MACF1: variants seen among roughly 807,000 people sequenced by gnomAD.
The protein encoded by MACF1 is microtubule-actin cross-linking factor 1.
A neutral mutation model predicts 854.8 loss-of-function variants in MACF1; 193 were observed. That is an observed-to-expected ratio of 0.23 (90% CI 0.20 to 0.25). The LOEUF (loss-of-function observed/expected upper bound fraction) is 0.25. Ranked by LOEUF, MACF1 falls within the 10% of genes least tolerant of loss-of-function variation. The pLI, the probability that MACF1 is intolerant of heterozygous loss-of-function variation, is 1.00. For synonymous variants in MACF1, 3,185 were observed against 3,226.7 expected (o/e 0.99, Z 0.44); for missense variants, 7,722 against 8,929.1 (o/e 0.86, Z 5.45).
chr1:39,145,725 C>T (rs1643448495), intron 2 of MACF1, among the ~76,000 whole-genome samples: 1 of 152,182 alleles, frequency 6.6e-6, no homozygotes, highest in Non-Finnish European at 1.5e-5. Context: ...GACCTCTTTC[C>T]TTCCCTGACT....
chr1:39,232,765 T>TTTTTTTTG (rs1571202426), intron 2 of MACF1, among the ~76,000 whole-genome samples: 2 of 138,174 alleles, frequency 1.4e-5, no homozygotes, highest in Non-Finnish European at 1.6e-5. Flanking sequence ...TTTTTTTTTT[T>TTTTTTTTG]TTTGTTTGTT....
At chr1:39,411,975 G>T (rs371847715) in intron 58 of MACF1, 72 of 1,613,854 alleles carry the variant, frequency 4.5e-5, no homozygotes, top group Non-Finnish European at 5.6e-5. Flanking sequence ...TTAGCAAGGA[G>T]GAATGTGAAA....
intron 40 of MACF1, among the ~76,000 whole-genome samples, chr1:39,346,189 C>T (rs1647042846): frequency 6.6e-6 from 1 of 151,594 alleles, no homozygotes; most frequent in South Asian, 2.1e-4. Context: ...AGTGAAACCC[C>T]ATCTCTACTA....
At position 39,442,152 on chromosome 1, in the gene MACF1, C is replaced by T; in HGVS notation, c.18780C>T (p.Phe6260=). 3.1e-6 allele frequency: 5 copies of T among 1,589,014 alleles called. No individual in the cohort carries two copies. The highest frequency in any genetic ancestry group is 2.6e-6 in the Non-Finnish European group (3 of 1,170,396). Residue 6260 remains phenylalanine (F), a synonymous_variant, in exon 76 of 101, where the codon TTC becomes TTT. Transcript: ENST00000564288. ...VKDQLNEMKE[F]KVEVYQQQIE... Reference sequence around the variant, plus strand: ...ATTGAGTGTGTCTTTGACAGGAGTTCAAAGTAGAAGTTTACCAACAGCAAA... The same window carrying T: ...ATTGAGTGTGTCTTTGACAGGAGTTTAAAGTAGAAGTTTACCAACAGCAAA...
At chr1:39,216,008 A>G (rs1306710220) in intron 1 of MACF1, among the ~76,000 whole-genome samples, 1 of 152,200 alleles carries the variant, frequency 6.6e-6, no homozygotes, top group Non-Finnish European at 1.5e-5. Context: ...AGGCATCATT[A>G]AATAATGATT....
At chr1:39,134,101 C>CGGG (rs1289757656) in intron 2 of MACF1, among the ~76,000 whole-genome samples, 1 of 121,714 alleles carries the variant, frequency 8.2e-6, no homozygotes, top group Non-Finnish European at 1.6e-5. Flanking sequence ...AGTGCAGTGG[C>CGGG]GGGATCTCAG....
In MACF1 at chr1:39,427,706, GT is replaced by G. The variant is rs1028029895; in HGVS notation, c.16476+96del. ...GCCTGCAGCATTCTAGAGGATGTGTGTTTTGTGGGTTTAACTTAAAATATGG... is the reference window on the plus strand; with the variant it reads ...GCCTGCAGCATTCTAGAGGATGTGTGTTTGTGGGTTTAACTTAAAATATGG... On this transcript the variant is annotated intron_variant, in intron 62 of 100. Coordinates refer to ENST00000564288, the MANE Select transcript of MACF1 (RefSeq NM_001394062.1). 3.6e-5 allele frequency: 47 copies of G among 1,299,176 alleles called. No homozygotes were observed. The African/African-American group carries it at 6.7e-4, about 18-fold the overall frequency. The allele number at this position is 1,299,176 out of a possible 1,614,324, so 80.5% of individuals were successfully genotyped here.
At chr1:39,370,536 C>A (rs1649133964) in intron 51 of MACF1, among the ~76,000 whole-genome samples, 1 of 152,168 alleles carries the variant, frequency 6.6e-6, no homozygotes, top group African/African-American at 2.4e-5. Flanking sequence ...AACCTTCCTC[C>A]CATTCCCTGC....
At chr1:39,217,440 A>T (rs1485583723) in intron 1 of MACF1, among the ~76,000 whole-genome samples, 1 of 151,866 alleles carries the variant, frequency 6.6e-6, no homozygotes, top group African/African-American at 2.4e-5. Context: ...ACACCTGGCT[A>T]ATTTTTGTAT....
intron 58 of MACF1, chr1:39,413,965 G>A: frequency 6.2e-7 from 1 of 1,606,498 alleles, no homozygotes; most frequent in Non-Finnish European, 8.5e-7. Flanking sequence ...CCTAGCAGCT[G>A]CAGTGTCCAA....
At chr1:39,268,542 G>A in intron 6 of MACF1, 1 of 1,165,310 alleles carries the variant, frequency 8.6e-7, no homozygotes, top group Non-Finnish European at 1.1e-6. Flanking sequence ...AAGAGACAGA[G>A]AGAGGCGGGG....
chr1:39,468,755 A>G (rs963027170), intron 96 of MACF1, 23 bp downstream of exon 96: 5 of 1,589,686 alleles, frequency 3.1e-6, no homozygotes, highest in Non-Finnish European at 4.3e-6. Context: ...TCTAAGCATG[A>G]ATTACGTGTT....
intron 55 of MACF1, among the ~76,000 whole-genome samples, chr1:39,380,590 A>G (rs879567735): frequency 2.0e-5 from 3 of 152,186 alleles, no homozygotes; most frequent in Admixed American, 2.0e-4. Context: ...GGGCAAGTCA[A>G]ACTGGTAATC....
intron 40 of MACF1, among the ~76,000 whole-genome samples, chr1:39,342,962 A>G (rs948981784): frequency 6.6e-6 from 1 of 152,002 alleles, no homozygotes; most frequent in Admixed American, 6.5e-5. Context: ...CTATGTTCCA[A>G]TAAAACTTTA....
In MACF1 at chr1:39,346,676, C is replaced by T. The variant is rs534152367; in HGVS notation, c.10582-301C>T. ...CTGGGACTACAGGCGCCTGCCACTACGCCTGGCTAATTTTTTGTATTTTTA... is the reference window on the plus strand; with the variant it reads ...CTGGGACTACAGGCGCCTGCCACTATGCCTGGCTAATTTTTTGTATTTTTA... On this transcript the variant is annotated intron_variant, in intron 40 of 100. Transcript: ENST00000564288. 1.7e-4 allele frequency among the ~76,000 whole-genome samples: 26 copies of T among 151,988 alleles called. No individual in the cohort carries two copies. In the South Asian group the frequency reaches 5.2e-3, roughly 30 times the overall value.
chr1:39,209,889 G>A (rs193155566), intron 1 of MACF1, among the ~76,000 whole-genome samples: 67 of 152,098 alleles, frequency 4.4e-4, no homozygotes, highest in Middle Eastern at 3.4e-3. Flanking sequence ...AGGAATTTGA[G>A]ACCAGCTTGG....
chr1:39,318,515 T>A lies in MACF1; in HGVS notation c.3845T>A (p.Leu1282His), dbSNP rs750024689. The A allele has an allele frequency of 6.2e-7, 1 of 1,613,966 alleles. No individual in the cohort carries two copies. Among genetic ancestry groups the A allele is most frequent in the African/African-American group, 1.3e-5 (1 of 74,918 alleles). The stretch of plus-strand genomic sequence containing the variant: ...GATTACCGAGCCTGCCATGGAACTC[T>A]CATCAAGTGGATTGAGGAAACCACT... ...LGDYRACHGT[L>H]IKWIEETTAQ... Residue 1282 changes from leucine to histidine, a missense_variant, in exon 30 of 101, where the codon CTC becomes CAC. By Grantham distance (99) the Leu-to-His change is moderately conservative (BLOSUM62 -3). Coordinates refer to ENST00000564288, the MANE Select transcript of MACF1 (RefSeq NM_001394062.1).
chr1:39,323,407 T>A lies in MACF1; in HGVS notation c.4236+399T>A, dbSNP rs188268937. Among the ~76,000 whole-genome samples the A allele has an allele frequency of 6.1e-3, 925 of 151,636 alleles. 20 individuals carry two copies. Among genetic ancestry groups the A allele is most frequent in the African/African-American group, 0.021 (863 of 41,408 alleles). On this transcript the variant is annotated intron_variant, in intron 33 of 100. Transcript: ENST00000564288. ...TATGTACCCACAAAAATTAAAAAAA[T>A]TTTTTAAACCAGCAAAATATATGCT...
rs371999201 is a variant in MACF1, at chr1:39,368,444, G to C, written c.12938+130G>C. 2.1e-4 allele frequency: 193 copies of C among 909,190 alleles called. No homozygotes were observed. In the African/African-American group the frequency reaches 2.5e-3, roughly 12 times the overall value. 56.3% of individuals were successfully genotyped at this position (909,190 alleles called of 1,614,324 possible). ...AAAATTCTACTACTGAGTTGTAGGA[G>C]GGTGAAAAGTGCCTTTTTTTAGGCA... On this transcript the variant is annotated intron_variant, in intron 50 of 100. Transcript: ENST00000564288.
Sources: gnomAD v4.1 joint callset for allele counts (sites outside exome capture counted in the v4.1 genomes callset) on GRCh38, gnomAD v4.1.1 for gene constraint, MANE v1.5 for transcripts, NCBI Gene and HGNC (gene_info 2026-07-23, HGNC 2026-07-21) for gene names.